FCRL3: variants seen among roughly 807,000 people sequenced by gnomAD.
FCRL3 encodes the protein Fc receptor-like protein 3.
Under a neutral mutation model 75.0 loss-of-function variants are expected in FCRL3, and 89 were observed. That is an observed-to-expected ratio of 1.19 (90% CI 1.00 to 1.42). FCRL3 has a LOEUF of 1.42. Ranked by LOEUF, FCRL3 falls within the 40% of genes most tolerant of loss-of-function variation. The pLI is 0.00. For missense variants in FCRL3, 946 were observed against 880.0 expected (o/e 1.07, Z -0.95); for synonymous variants, 376 against 348.5 (o/e 1.08, Z -0.88).
At chr1:157,696,363 T>C (rs1366699805) in intron 6 of FCRL3, 36 bp from the exon 7 acceptor site, 1 of 1,607,356 alleles carries the variant, frequency 6.2e-7, no homozygotes, top group Non-Finnish European at 8.5e-7. Context: ...AAGGTCCTGA[T>C]GGCAGGGACA....
chr1:157,677,250 T>G lies in FCRL3; in HGVS notation c.*1460A>C. 1.0e-6 allele frequency: 1 copy of G among 1,002,398 alleles called. No individual in the cohort carries two copies. The highest frequency in any genetic ancestry group is 1.2e-6 in the Non-Finnish European group (1 of 839,150). The allele number at this position is 1,002,398 out of a possible 1,614,324, so 62.1% of individuals were successfully genotyped here. A position where few individuals can be genotyped will look rare whatever the true frequency, so the allele number is the denominator to read the frequency against. ...ACTCAGCTTCCATAGTGATGGAACCTAAGGGTAGCAGAGTTTATGGTGACC... is the reference window on the plus strand; with the variant it reads ...ACTCAGCTTCCATAGTGATGGAACCGAAGGGTAGCAGAGTTTATGGTGACC... On this transcript the variant is annotated 3_prime_UTR_variant, in exon 15 of 15. Transcript: ENST00000368184.
At position 157,695,461 on chromosome 1, in the gene FCRL3, T is replaced by C; in HGVS notation, c.1279A>G (p.Ser427Gly). ...FYHEDVTLGN[S>G]SAPSGGGASF... is the part of the protein sequence containing the mutation. ...GCTCCTCCTCCAGAGGGGGCTGAGC[T>C]GTTCCCCAGGGTGACATCCTCATGA... is the stretch of plus-strand genomic sequence containing the variant. Residue 427 changes from serine to glycine, a missense_variant, in exon 8 of 15, where the codon AGC (serine) becomes GGC (glycine). Ser to Gly is a moderately conservative substitution (Grantham distance 56). Transcript: ENST00000368184. The C allele has an allele frequency of 6.2e-7, 1 of 1,614,218 alleles. No individual in the cohort carries two copies. Among genetic ancestry groups the C allele is most frequent in the Non-Finnish European group, 8.5e-7 (1 of 1,180,024 alleles).
At position 157,678,696 on chromosome 1, in the gene FCRL3, CTCTGGGTAAGGGGCTAGTGG is replaced by C. The variant is rs1189522853; in HGVS notation, c.2199_*13del. On this transcript the variant is annotated stop_lost and 3_prime_UTR_variant, in exon 15 of 15. Transcript: ENST00000368184. Reference sequence around the variant, plus strand: ...GGTGCAGGCTGTTTCCTGTGGGCCACTCTGGGTAAGGGGCTAGTGGTCTGAGGCCAGTAATACACGTGGTA... The same window carrying C: ...GGTGCAGGCTGTTTCCTGTGGGCCACTCTGAGGCCAGTAATACACGTGGTA... 5 of 1,612,378 alleles carry C rather than the reference CTCTGGGTAAGGGGCTAGTGG, an allele frequency of 3.1e-6. No homozygotes were observed. Among genetic ancestry groups the C allele is most frequent in the Non-Finnish European group, 4.2e-6 (5 of 1,179,884 alleles).
chr1:157,679,828 C>CAAAAAAAAAAAAAAAAAAAAAAAAAAAAA (rs879258382), intron 13 of FCRL3, among the ~76,000 whole-genome samples: 1 of 27,906 alleles, frequency 3.6e-5, no homozygotes, highest in Non-Finnish European at 9.0e-5. Flanking sequence ...GACCCCATCT[C>CAAAAAAAAAAAAAAAAAAAAAAAAAAAAA]ACAAAAAAAA....
In FCRL3 at chr1:157,678,932, T is replaced by C. The variant is rs755068260; in HGVS notation, c.2058+10A>G. 1.1e-5 allele frequency: 17 copies of C among 1,614,110 alleles called. No homozygotes were observed. The highest frequency in any genetic ancestry group is 1.4e-5 in the Non-Finnish European group (17 of 1,179,998). On this transcript the variant is annotated intron_variant, in intron 14 of 14. Coordinates refer to ENST00000368184, the MANE Select transcript of FCRL3 (RefSeq NM_052939.4). The stretch of plus-strand genomic sequence containing the variant: ...CCAGAGAGGAAAGAAAGCCAAGAAA[T>C]GTGACTCACCTCATGCTCTTGATGC...
At chr1:157,696,967 T>C (rs1571216356) in intron 6 of FCRL3, 173 bp downstream of exon 6, 1 of 490,336 alleles carries the variant, frequency 2.0e-6, no homozygotes, top group East Asian at 3.5e-5. Flanking sequence ...CTGACTCAAG[T>C]GGAAGAAAAT....
chr1:157,694,892 C>G (rs777726216), intron 8 of FCRL3, among the ~76,000 whole-genome samples: 1 of 152,098 alleles, frequency 6.6e-6, no homozygotes, highest in South Asian at 2.1e-4. Context: ...AAGAGAGACA[C>G]TTTAATGATC....
In FCRL3 at chr1:157,683,246, T is replaced by C. The variant is rs143094480; in HGVS notation, c.1811-2A>G. The C allele has an allele frequency of 3.1e-4, 497 of 1,613,510 alleles. No homozygotes were observed. In the African/African-American group the frequency reaches 5.6e-3, roughly 18 times the overall value. On this transcript the variant is annotated splice_acceptor_variant, in intron 10 of 14. Transcript: ENST00000368184. LOFTEE classifies it high-confidence loss of function. ...ATGTTCCAGTGGCAGAAAGTCCTCCTGCAAAACAAACAAAGGAAGGTTGGT... is the reference window on the plus strand; with the variant it reads ...ATGTTCCAGTGGCAGAAAGTCCTCCCGCAAAACAAACAAAGGAAGGTTGGT...
chr1:157,680,599 T>C, intron 13 of FCRL3, 103 bp downstream of exon 13: 1 of 945,222 alleles, frequency 1.1e-6, no homozygotes, highest in Non-Finnish European at 1.7e-6. Context: ...AAGTAATGCC[T>C]TGCGTGTTGG....
chr1:157,684,531 GAGTC>G (rs1467107698), intron 10 of FCRL3, among the ~76,000 whole-genome samples: 1 of 152,026 alleles, frequency 6.6e-6, no homozygotes. Flanking sequence ...ATGCATCTGG[GAGTC>G]AGTCTATCTC....
At chr1:157,700,322 C>A in intron 2 of FCRL3, 137 bp downstream of exon 2, 2 of 1,327,050 alleles carry the variant, frequency 1.5e-6, no homozygotes, top group East Asian at 5.0e-5. Flanking sequence ...GTCCAGGGAA[C>A]CCAGCTCTGC....
In FCRL3 at chr1:157,677,653, A is replaced by G; in HGVS notation, c.*1057T>C. 1 of 943,070 alleles carries G rather than the reference A, an allele frequency of 1.1e-6. No individual in the cohort carries two copies. 58.4% of individuals were successfully genotyped at this position (943,070 alleles called of 1,614,324 possible). On this transcript the variant is annotated 3_prime_UTR_variant, in exon 15 of 15. Transcript: ENST00000368184. Reference sequence around the variant, plus strand: ...TTTACACAAGTAAATACTAAACAGCAATAAAAACAAATGAACTATAGCAAC... The same window carrying G: ...TTTACACAAGTAAATACTAAACAGCGATAAAAACAAATGAACTATAGCAAC...
At chr1:157,683,590 A>C (rs1242803142) in intron 10 of FCRL3, among the ~76,000 whole-genome samples, 1 of 152,196 alleles carries the variant, frequency 6.6e-6, no homozygotes, top group Non-Finnish European at 1.5e-5. Flanking sequence ...TACAAAGTGG[A>C]GACAAGGAGA....
chr1:157,698,638 G>C lies in FCRL3; in HGVS notation c.53-9C>G. On this transcript the variant is annotated splice_polypyrimidine_tract_variant and intron_variant, in intron 3 of 14. Coordinates refer to ENST00000368184, the MANE Select transcript of FCRL3 (RefSeq NM_052939.4). ...AGCTTTTGGGGCCACCCCTAAACAG[G>C]AAATAGAAAGATGAAGGCAGGGGAA... The C allele has an allele frequency of 6.2e-7, 1 of 1,613,574 alleles. No homozygotes were observed. The highest frequency in any genetic ancestry group is 8.5e-7 in the Non-Finnish European group (1 of 1,179,524).
At chr1:157,700,326 G>C (rs2101630444) in intron 2 of FCRL3, 133 bp downstream of exon 2, 8 of 1,372,748 alleles carry the variant, frequency 5.8e-6, no homozygotes, top group East Asian at 2.5e-5. Flanking sequence ...AGGGAACCCA[G>C]CTCTGCTCAC....
At chr1:157,685,870 A>T (rs1655143060) in intron 10 of FCRL3, among the ~76,000 whole-genome samples, 1 of 152,170 alleles carries the variant, frequency 6.6e-6, no homozygotes, top group Non-Finnish European at 1.5e-5. Context: ...ATAAAAATTA[A>T]TGCATAAATA....
chr1:157,698,680 G>A lies in FCRL3; in HGVS notation c.53-51C>T, dbSNP rs757733441. 1.2e-5 allele frequency: 19 copies of A among 1,599,870 alleles called. 1 individual carries two copies. In the South Asian group the frequency reaches 2.1e-4, roughly 18 times the overall value. ...GCAGGGGAAGGTCAATGGGAGGTGG[G>A]CACAGCACATGGGGAGCCCAACCTA... On this transcript the variant is annotated intron_variant, in intron 3 of 14. Coordinates refer to ENST00000368184, the MANE Select transcript of FCRL3 (RefSeq NM_052939.4).
At chr1:157,697,611 C>T (rs1309220368) in intron 5 of FCRL3, 48 bp downstream of exon 5, 1 of 1,572,904 alleles carries the variant, frequency 6.4e-7, no homozygotes, top group East Asian at 2.2e-5. Flanking sequence ...TCCCTTTATC[C>T]CCAGTTTCCC....
intron 7 of FCRL3, 99 bp from the exon 8 acceptor site, chr1:157,695,706 A>T: frequency 7.4e-7 from 1 of 1,359,262 alleles, no homozygotes; most frequent in Non-Finnish European, 9.9e-7. Context: ...TTGTCCCTTG[A>T]TTGTTTCTGT....
Sources: gnomAD v4.1 joint callset for allele counts (sites outside exome capture counted in the v4.1 genomes callset) on GRCh38, gnomAD v4.1.1 for gene constraint, MANE v1.5 for transcripts, NCBI Gene and HGNC (gene_info 2026-07-23, HGNC 2026-07-21) for gene names.